DENND1B: variants seen among roughly 807,000 people sequenced by gnomAD.
DENND1B encodes DENN domain containing 1B.
A neutral mutation model predicts 90.1 loss-of-function variants in DENND1B; 59 were observed. The observed-to-expected ratio is 0.65, with a 90% CI of 0.53 to 0.81. DENND1B has a LOEUF of 0.81. Among genes scored for constraint, DENND1B ranks in the 40% least tolerant of loss-of-function variants. The pLI is 0.00. For missense variants in DENND1B, 862 were observed against 912.6 expected, an observed-to-expected ratio of 0.94 and a Z score of 0.71; for synonymous variants, 337 against 324.6, an observed-to-expected ratio of 1.04 and a Z score of -0.41.
At chr1:197,564,466 TA>T (rs1205673125) in intron 15 of DENND1B, among the ~76,000 whole-genome samples, 1 of 145,592 alleles carries the variant, frequency 6.9e-6, no homozygotes, top group Non-Finnish European at 1.5e-5. Context: ...ATTTTAGTAA[TA>T]AAGTATTTTT....
At chr1:197,642,653 T>TA in intron 10 of DENND1B, 58 bp downstream of exon 10, 1 of 1,238,632 alleles carries the variant, frequency 8.1e-7, no homozygotes, top group African/African-American at 1.5e-5. Flanking sequence ...CAAAGGTTTT[T>TA]AGGTCTTTTT....
At chr1:197,663,738 A>G (rs1420858568) in intron 5 of DENND1B, among the ~76,000 whole-genome samples, 1 of 151,958 alleles carries the variant, frequency 6.6e-6, no homozygotes, top group Admixed American at 6.6e-5. Context: ...ACTTACCCCA[A>G]CTTCCTATTG....
chr1:197,688,183 TA>T (rs1415002766), intron 3 of DENND1B, among the ~76,000 whole-genome samples: 1 of 151,914 alleles, frequency 6.6e-6, no homozygotes, highest in Non-Finnish European at 1.5e-5. Context: ...CACAAATAAA[TA>T]AAAAGACATC....
At chr1:197,696,873 C>T (rs1289802108) in intron 3 of DENND1B, among the ~76,000 whole-genome samples, 1 of 146,632 alleles carries the variant, frequency 6.8e-6, no homozygotes, top group African/African-American at 2.5e-5. Context: ...TACATACAGC[C>T]TAGGAGAGAC....
At chr1:197,696,028 C>T (rs1167029760) in intron 3 of DENND1B, among the ~76,000 whole-genome samples, 2 of 151,124 alleles carry the variant, frequency 1.3e-5, no homozygotes, top group African/African-American at 2.4e-5. Context: ...ACCTTAACTC[C>T]TACCTGCATC....
chr1:197,563,264 AGAG>A (rs1417994513), intron 15 of DENND1B, among the ~76,000 whole-genome samples: 1 of 152,018 alleles, frequency 6.6e-6, no homozygotes. Context: ...TCATAGCTAG[AGAG>A]GAGAAGTCAA....
chr1:197,765,168 C>T (rs1292202191), intron 2 of DENND1B, among the ~76,000 whole-genome samples: 1 of 152,152 alleles, frequency 6.6e-6, no homozygotes, highest in Non-Finnish European at 1.5e-5. Flanking sequence ...GCAAGTTCCC[C>T]CACAAGGCCA....
intron 2 of DENND1B, among the ~76,000 whole-genome samples, chr1:197,763,252 GA>G (rs1655320205): frequency 6.6e-6 from 1 of 152,124 alleles, no homozygotes; most frequent in South Asian, 2.1e-4. Context: ...AGGCTGCAGT[GA>G]GCTATAATTT....
At chr1:197,535,350 A>AC (rs1669798996) in intron 20 of DENND1B, among the ~76,000 whole-genome samples, 1 of 152,048 alleles carries the variant, frequency 6.6e-6, no homozygotes, top group South Asian at 2.1e-4. Context: ...ATGTTCTAAG[A>AC]CCCCCACTGG....
intron 3 of DENND1B, among the ~76,000 whole-genome samples, chr1:197,695,664 A>G (rs1238106048): frequency 8.2e-6 from 1 of 121,534 alleles, no homozygotes; most frequent in African/African-American, 3.2e-5. Context: ...AAAAAACAAT[A>G]GTTGATATAG....
At chr1:197,696,682 T>C (rs1379593295) in intron 3 of DENND1B, among the ~76,000 whole-genome samples, 1 of 151,540 alleles carries the variant, frequency 6.6e-6, no homozygotes, top group Non-Finnish European at 1.5e-5. Flanking sequence ...TAAATTACCT[T>C]GCCTATTATT....
intron 3 of DENND1B, among the ~76,000 whole-genome samples, chr1:197,694,841 A>T (rs901654600): frequency 1.3e-5 from 2 of 151,334 alleles, no homozygotes; most frequent in African/African-American, 2.4e-5. Context: ...CTAAGAACTC[A>T]TTAAAGTAAA....
intron 2 of DENND1B, among the ~76,000 whole-genome samples, chr1:197,731,579 A>G (rs1349818872): frequency 1.3e-5 from 2 of 152,184 alleles, no homozygotes; most frequent in African/African-American, 2.4e-5. Context: ...TCATATAGAC[A>G]TGCCATGCAT....
chr1:197,543,498 A>G (rs934912540), intron 18 of DENND1B, among the ~76,000 whole-genome samples: 5 of 152,170 alleles, frequency 3.3e-5, no homozygotes, highest in African/African-American at 1.2e-4. Context: ...TGACTGTGAA[A>G]CCATTTTTAG....
chr1:197,737,574 T>C (rs935334008), intron 2 of DENND1B, among the ~76,000 whole-genome samples: 1 of 152,180 alleles, frequency 6.6e-6, no homozygotes, highest in Non-Finnish European at 1.5e-5. Flanking sequence ...CTTGTTTGCC[T>C]CTATCTACTA....
At chr1:197,554,098 TATACACACACACACAC>T (rs1252454000) in intron 15 of DENND1B, among the ~76,000 whole-genome samples, 2 of 98,312 alleles carry the variant, frequency 2.0e-5, no homozygotes, top group African/African-American at 4.0e-5. Context: ...AATCAATGAT[TATACACACACACACAC>T]ACACACACAC....
intron 2 of DENND1B, among the ~76,000 whole-genome samples, chr1:197,744,382 T>C (rs1663509090): frequency 1.3e-5 from 2 of 152,236 alleles, no homozygotes; most frequent in Non-Finnish European, 1.5e-5. Context: ...CTTGGATCCA[T>C]GGGCTGCAGA....
At chr1:197,679,280 A>G (rs1656409003) in intron 3 of DENND1B, among the ~76,000 whole-genome samples, 1 of 151,478 alleles carries the variant, frequency 6.6e-6, no homozygotes, top group East Asian at 1.9e-4. Context: ...AGCAGTGCAG[A>G]GTGACATTAC....
intron 14 of DENND1B, among the ~76,000 whole-genome samples, chr1:197,593,158 T>C (rs1675384830): frequency 6.6e-6 from 1 of 151,874 alleles, no homozygotes; most frequent in South Asian, 2.1e-4. Context: ...ATGATACAAG[T>C]AATGTATAAA....
Sources: allele counts gnomAD v4.1 joint callset (sites outside exome capture counted in the v4.1 genomes callset), GRCh38; gene constraint gnomAD v4.1.1; transcripts MANE v1.5; gene names NCBI Gene and HGNC (gene_info 2026-07-23, HGNC 2026-07-21).